ANXA13: variants seen among roughly 807,000 people sequenced by gnomAD.
ANXA13 encodes the protein annexin A13.
A neutral mutation model predicts 46.6 loss-of-function variants in ANXA13; 36 were observed. That is an observed-to-expected ratio of 0.77 (90% CI 0.59 to 1.02). ANXA13 has a LOEUF of 1.02. ANXA13 is among the 50% of genes least tolerant of loss of function. The pLI is 0.00. For missense variants in ANXA13, 417 were observed against 396.5 expected, an observed-to-expected ratio of 1.05 and a Z score of -0.44; for synonymous variants, 163 against 152.9, an observed-to-expected ratio of 1.07 and a Z score of -0.49.
At chr8:123,717,280 A>G (rs1813774562) in intron 1 of ANXA13, among the ~76,000 whole-genome samples, 1 of 152,170 alleles carries the variant, frequency 6.6e-6, no homozygotes, top group South Asian at 2.1e-4. Context: ...TTTACGTGAA[A>G]TAACTTTTCA....
intron 1 of ANXA13, among the ~76,000 whole-genome samples, chr8:123,725,181 C>T (rs1450016395): frequency 6.6e-6 from 1 of 152,004 alleles, no homozygotes; most frequent in East Asian, 1.9e-4. Flanking sequence ...ATAAAATTTC[C>T]TTTTAAGATT....
At chr8:123,708,815 TC>T (rs1813597209) in intron 2 of ANXA13, among the ~76,000 whole-genome samples, 1 of 152,118 alleles carries the variant, frequency 6.6e-6, no homozygotes, top group African/African-American at 2.4e-5. Context: ...TCCTTGCCCC[TC>T]CTGGCTTCTG....
chr8:123,692,323 A>G (rs997536353), intron 8 of ANXA13, among the ~76,000 whole-genome samples: 1 of 152,190 alleles, frequency 6.6e-6, no homozygotes, highest in Non-Finnish European at 1.5e-5. Context: ...TTCGGCCTAC[A>G]TTATAGTTAC....
rs1241124645 is a variant in ANXA13, at chr8:123,735,802, G to T, written c.15+1518C>A. ...CCATTCCGTGATGGGTGGCTGAGAG[G>T]CTGCACGACTGTCGAGGGTTGGGAG... On this transcript the variant is annotated intron_variant, in intron 1 of 10. Coordinates refer to ENST00000419625, the MANE Select transcript of ANXA13 (RefSeq NM_004306.4). 1 of 1,612,828 alleles carries T rather than the reference G, an allele frequency of 6.2e-7. No individual in the cohort carries two copies.
chr8:123,700,289 T>C (rs772216510), intron 3 of ANXA13, among the ~76,000 whole-genome samples: 19 of 152,220 alleles, frequency 1.2e-4, no homozygotes, highest in Non-Finnish European at 2.5e-4. Context: ...CTTCCCACTC[T>C]TACAAGCCAC....
intron 1 of ANXA13, among the ~76,000 whole-genome samples, chr8:123,733,104 A>G (rs1440297629): frequency 6.6e-6 from 1 of 152,154 alleles, no homozygotes; most frequent in Non-Finnish European, 1.5e-5. Context: ...TTGAGGCTGC[A>G]GTGAGCCATA....
intron 2 of ANXA13, among the ~76,000 whole-genome samples, chr8:123,710,132 C>A (rs1412856020): frequency 1.3e-5 from 2 of 152,242 alleles, no homozygotes; most frequent in Non-Finnish European, 2.9e-5. Context: ...TCCTCTGGAG[C>A]CATACAAAAA....
intron 1 of ANXA13, among the ~76,000 whole-genome samples, chr8:123,736,792 CT>C (rs947255009): frequency 6.7e-6 from 1 of 149,810 alleles, no homozygotes; most frequent in African/African-American, 2.5e-5. Flanking sequence ...ACTTCTTTCT[CT>C]TTAGCCCCTC....
chr8:123,721,833 C>G (rs549395505), intron 1 of ANXA13, among the ~76,000 whole-genome samples: 68 of 152,234 alleles, frequency 4.5e-4, no homozygotes, highest in Non-Finnish European at 8.1e-4. Context: ...CCCAACAACC[C>G]TATGGGGTAG....
chr8:123,707,975 GA>G (rs1027043261), intron 2 of ANXA13, among the ~76,000 whole-genome samples: 14 of 152,168 alleles, frequency 9.2e-5, no homozygotes, highest in African/African-American at 3.1e-4. Context: ...GGGAGGCTAT[GA>G]AAACAACACT....
intron 1 of ANXA13, among the ~76,000 whole-genome samples, chr8:123,716,323 G>A (rs1813758382): frequency 6.6e-6 from 1 of 152,184 alleles, no homozygotes. Flanking sequence ...GAGCTCAAGC[G>A]ATCCACCCAC....
chr8:123,681,361 T>C lies in ANXA13; in HGVS notation c.832-2A>G. On this transcript the variant is annotated splice_acceptor_variant, in intron 10 of 10. Coordinates refer to ENST00000419625, the MANE Select transcript of ANXA13 (RefSeq NM_004306.4). LOFTEE classifies it high-confidence loss of function. ...TGCTTTGATCCCCTGAAGGTCCACCTGTAGAAAAAATAACAGCAATGGAGA... is the reference window on the plus strand; with the variant it reads ...TGCTTTGATCCCCTGAAGGTCCACCCGTAGAAAAAATAACAGCAATGGAGA... 2.5e-6 allele frequency: 4 copies of C among 1,612,276 alleles called. No individual in the cohort carries two copies. Among genetic ancestry groups the C allele is most frequent in the Non-Finnish European group, 3.4e-6 (4 of 1,179,250 alleles).
At chr8:123,708,282 C>T (rs559075950) in intron 2 of ANXA13, among the ~76,000 whole-genome samples, 2 of 152,312 alleles carry the variant, frequency 1.3e-5, no homozygotes, top group Admixed American at 6.5e-5. Flanking sequence ...GAAGTGCCTC[C>T]GGGCCTCCTT....
At chr8:123,721,949 C>G (rs1368885100) in intron 1 of ANXA13, among the ~76,000 whole-genome samples, 1 of 152,102 alleles carries the variant, frequency 6.6e-6, no homozygotes, top group African/African-American at 2.4e-5. Flanking sequence ...CTACTATTGA[C>G]TTCTCATTAA....
intron 2 of ANXA13, among the ~76,000 whole-genome samples, chr8:123,707,473 A>G (rs978329079): frequency 6.6e-6 from 1 of 152,250 alleles, no homozygotes; most frequent in Non-Finnish European, 1.5e-5. Context: ...AGACTGGATA[A>G]AGAAAATGTG....
Position 123,698,392 on chromosome 8 carries a change from A to G in ANXA13, c.354T>C (p.Asn118=). Residue 118 remains asparagine (N), a synonymous_variant, in exon 4 of 11, where the codon AAT becomes AAC. Coordinates refer to ENST00000419625, the MANE Select transcript of ANXA13 (RefSeq NM_004306.4). The part of the protein sequence containing the change: ...VLIEVLCTRT[N]KEIIAIKEAY... ...TGCGGGCTCAGCTGGGACTGACCTT[A>G]TTGGTCCTCGTGCACAGGACCTCAA... is the stretch of plus-strand genomic sequence containing the variant. 1 of 1,613,982 alleles carries G rather than the reference A, an allele frequency of 6.2e-7. No homozygotes were observed.
rs536271829 is a variant in ANXA13 at position 123,695,184 on chromosome 8, C to G, written c.471+318G>C. Among the ~76,000 whole-genome samples the G allele has an allele frequency of 2.6e-5, 4 of 152,126 alleles. No homozygotes were observed. The East Asian group carries it at 7.7e-4, about 29-fold the overall frequency. ...GCTGTCTCTTACTGGCTGCATGAAC[C>G]TGGGCAGGTTACCCACCCTCTCATG... On this transcript the variant is annotated intron_variant, in intron 6 of 10. Transcript: ENST00000419625.
chr8:123,703,846 G>A (rs1813492540), intron 2 of ANXA13, among the ~76,000 whole-genome samples: 1 of 152,148 alleles, frequency 6.6e-6, no homozygotes, highest in African/African-American at 2.4e-5. Flanking sequence ...TTTGAACCAG[G>A]AACCAGGATC....
intron 1 of ANXA13, among the ~76,000 whole-genome samples, chr8:123,736,917 C>T (rs1376285795): frequency 1.4e-5 from 2 of 142,384 alleles, no homozygotes; most frequent in Non-Finnish European, 3.0e-5. Flanking sequence ...GGTGCAATCT[C>T]GGCTTATTGC....
Sources: allele counts gnomAD v4.1 joint callset (sites outside exome capture counted in the v4.1 genomes callset), GRCh38; gene constraint gnomAD v4.1.1; transcripts MANE v1.5; gene names NCBI Gene and HGNC (gene_info 2026-07-23, HGNC 2026-07-21).